Variants in MAP3K15 observed in about 807,000 individuals in gnomAD.
The protein encoded by MAP3K15 is MAPK/ERK kinase kinase 15.
In MAP3K15, 124 loss-of-function variants were observed where a neutral mutation model predicts 99.5. The ratio of observed to expected loss-of-function variants is 1.25; its 90% CI spans 1.08 to 1.45. MAP3K15 has a LOEUF of 1.45. Among genes scored for constraint, MAP3K15 ranks in the 40% most tolerant of loss-of-function variants. The probability of loss-of-function intolerance (pLI) is 0.00; values close to 1 mark genes in which losing one functional copy is unlikely to be tolerated. For synonymous variants in MAP3K15, 494 were observed against 439.6 expected (o/e 1.12, Z -1.55); for missense variants, 1,242 against 1,079.7 (o/e 1.15, Z -2.11).
chrX:19,417,175 T>A (rs1177992869), intron 9 of MAP3K15, among the ~76,000 whole-genome samples: 1 of 111,828 alleles, frequency 8.9e-6, no homozygotes, highest in Admixed American at 9.4e-5. Context: ...TACATCTCAC[T>A]GGGGAGTGTT....
intron 11 of MAP3K15, among the ~76,000 whole-genome samples, chrX:19,410,527 A>C (rs113420299): frequency 0.068 from 7,593 of 111,936 alleles, 652 homozygotes; most frequent in African/African-American, 0.23. Context: ...AAAACTCCAC[A>C]GCAACCCTCT....
intron 24 of MAP3K15, 134 bp downstream of exon 24, chrX:19,370,825 G>A: frequency 1.9e-6 from 1 of 531,441 alleles, no homozygotes; most frequent in Non-Finnish European, 3.2e-6. Context: ...AGAAGTCTAT[G>A]ACAACATGCA....
In MAP3K15 at chrX:19,426,403, G is replaced by C. The variant is rs2063830388; in HGVS notation, c.1167-60C>G. On this transcript the variant is annotated intron_variant, in intron 7 of 28. Transcript: ENST00000338883. ...TACAACAAAAAATGTTTAAATAATG[G>C]TATAAACCAACTTTCTCATGAAAAG... 4.3e-6 allele frequency: 3 copies of C among 691,857 alleles called. No homozygotes were observed. The South Asian group carries it at 1.2e-4, about 27-fold the overall frequency. The allele number at this position is 691,857 out of a possible 1,213,427, so 57.0% of individuals were successfully genotyped here. A position where few individuals can be genotyped will look rare whatever the true frequency, so the allele number is the denominator to read the frequency against.
intron 25 of MAP3K15, among the ~76,000 whole-genome samples, chrX:19,367,243 C>A (rs1344196688): frequency 1.8e-5 from 2 of 111,131 alleles, no homozygotes; most frequent in South Asian, 3.8e-4. Context: ...GAACAAAAAA[C>A]CAAATACCAC....
At chrX:19,446,777 G>C (rs1203662767) in intron 6 of MAP3K15, among the ~76,000 whole-genome samples, 2 of 111,435 alleles carry the variant, frequency 1.8e-5, no homozygotes, top group African/African-American at 6.5e-5. Context: ...GGGTGAACTT[G>C]TAATCTGGCA....
chrX:19,463,631 G>A lies in MAP3K15; in HGVS notation c.719+582C>T, dbSNP rs937883061. On this transcript the variant is annotated intron_variant, in intron 4 of 28. Coordinates refer to ENST00000338883, the MANE Select transcript of MAP3K15 (RefSeq NM_001001671.4). ...GAGCTGACTATTTCAGTGCTACACA[G>A]GTAGGAATCATCTAAGCCAAGATTC... Among the ~76,000 whole-genome samples the A allele has an allele frequency of 8.9e-5, 10 of 111,924 alleles. No individual in the cohort carries two copies. In the East Asian group the frequency reaches 2.5e-3, roughly 28 times the overall value.
chrX:19,370,498 C>T (rs971566263), intron 24 of MAP3K15, among the ~76,000 whole-genome samples: 1 of 111,378 alleles, frequency 9.0e-6, no homozygotes, highest in African/African-American at 3.3e-5. Flanking sequence ...CGGGTTCAAG[C>T]GATTTTCCTG....
At chrX:19,459,214 C>T (rs989847160) in intron 5 of MAP3K15, among the ~76,000 whole-genome samples, 2 of 111,822 alleles carry the variant, frequency 1.8e-5, no homozygotes, top group Non-Finnish European at 3.8e-5. Flanking sequence ...TGAATCCTGA[C>T]CTAACCAACT....
intron 9 of MAP3K15, among the ~76,000 whole-genome samples, chrX:19,421,293 C>T (rs779514409): frequency 1.3e-4 from 14 of 111,159 alleles, no homozygotes; most frequent in African/African-American, 3.6e-4. Flanking sequence ...CCCATCGTCT[C>T]GCCCAAAATC....
At position 19,371,505 on chromosome X, in the gene MAP3K15, A is replaced by G. The variant is rs762571463; in HGVS notation, c.3134T>C (p.Val1045Ala). Reference protein sequence around the residue: ...AQSSEELHLSVGHIKQIIGIL... With the variant: ...AQSSEELHLSAGHIKQIIGIL... ...CCCAATGATTTGCTTGATGTGTCCA[A>G]CTGAGAGATGCAACTCTTCGGAACT... The change falls in exon 23 of 29, where the codon GTT becomes GCT. Residue 1045 changes from valine to alanine, a missense_variant. Coordinates refer to ENST00000338883, the MANE Select transcript of MAP3K15 (RefSeq NM_001001671.4). The G allele has an allele frequency of 3.3e-4, 400 of 1,201,865 alleles. No individual in the cohort carries two copies. The Admixed American group carries it at 8.3e-3, about 25-fold the overall frequency.
In MAP3K15 at chrX:19,360,483, T is replaced by G; in HGVS notation, c.*266A>C. On this transcript the variant is annotated 3_prime_UTR_variant, in exon 29 of 29. Transcript: ENST00000338883. The stretch of plus-strand genomic sequence containing the variant: ...AATCCTCCCACCTCAGCCTCCTGCA[T>G]AGCTGGGACTACAAGTGAATTTCCT... The G allele has an allele frequency of 3.7e-6, 1 of 269,028 alleles. No individual in the cohort carries two copies. Among genetic ancestry groups the G allele is most frequent in the South Asian group, 4.5e-5 (1 of 21,997 alleles). The allele number at this position is 269,028 out of a possible 1,213,427, so 22.2% of individuals were successfully genotyped here. A position where few individuals can be genotyped will look rare whatever the true frequency, so the allele number is the denominator to read the frequency against.
intron 3 of MAP3K15, among the ~76,000 whole-genome samples, chrX:19,475,404 GT>G (rs981694919): frequency 9.0e-6 from 1 of 111,235 alleles, no homozygotes; most frequent in Non-Finnish European, 1.9e-5. Context: ...GTGCGGCCCG[GT>G]CGGGTGGCCC....
intron 6 of MAP3K15, among the ~76,000 whole-genome samples, chrX:19,439,853 G>A (rs2063947167): frequency 8.9e-6 from 1 of 111,918 alleles, no homozygotes; most frequent in African/African-American, 3.2e-5. Flanking sequence ...TCCTACTGGG[G>A]CAATCACTGG....
Position 19,426,292 on chromosome X carries a change from A to T in MAP3K15, c.1218T>A (p.Leu406=), listed in dbSNP as rs1602299620. Residue 406 remains leucine, a synonymous_variant, in exon 8 of 29, where the codon CTT becomes CTA. Transcript: ENST00000338883. The part of the protein sequence containing the change: ...LQSSLYSGIN[L]AVLLIVAGQQ... ...GTCCAGCAACAATCAGCAAAACTGC[A>T]AGATTAATTCCCGAATAGAGGGATG... 1.4e-5 allele frequency: 16 copies of T among 1,171,012 alleles called. No homozygotes were observed. Among genetic ancestry groups the T allele is most frequent in the Non-Finnish European group, 1.8e-5 (16 of 880,185 alleles).
In MAP3K15 at chrX:19,515,459, C is replaced by A. The variant is rs185963917; in HGVS notation, c.-198G>T. ...GCAGTACCCCTAGGCTGCAGCCTGA[C>A]GCTCAGGCCCCAAGGCCCCCAGCGC... is the stretch of plus-strand genomic sequence containing the variant. On this transcript the variant is annotated 5_prime_UTR_variant, in exon 1 of 29. Coordinates refer to ENST00000338883, the MANE Select transcript of MAP3K15 (RefSeq NM_001001671.4). Among the ~76,000 whole-genome samples, 3,816 of 111,858 alleles carry A rather than the reference C, an allele frequency of 0.034. 145 individuals are homozygous for A. Among genetic ancestry groups the A allele is most frequent in the African/African-American group, 0.11 (3,458 of 30,905 alleles).
At chrX:19,459,956 C>A (rs747121825) in intron 5 of MAP3K15, 29 bp downstream of exon 5, 1 of 1,097,875 alleles carries the variant, frequency 9.1e-7, no homozygotes, top group South Asian at 2.3e-5. Context: ...ACGTAGCATA[C>A]GTGAGCCTCG....
chrX:19,457,651 G>C (rs2064103559), intron 5 of MAP3K15, among the ~76,000 whole-genome samples: 1 of 112,247 alleles, frequency 8.9e-6, no homozygotes, highest in South Asian at 3.7e-4. Context: ...AGTATCAGCA[G>C]AGATGTGTGT....
In MAP3K15 at chrX:19,465,615, G is replaced by A. The variant is rs767056361; in HGVS notation, c.526-1209C>T. On this transcript the variant is annotated intron_variant, in intron 3 of 28. Coordinates refer to ENST00000338883, the MANE Select transcript of MAP3K15 (RefSeq NM_001001671.4). ...AAAAAAAAAAAAAAATTAACCGGGT[G>A]TGGTAGCACATGCCTGTAGTCCCAG... Among the ~76,000 whole-genome samples the A allele has an allele frequency of 1.8e-4, 19 of 108,076 alleles. 1 individual carries two copies. The East Asian group carries it at 5.6e-3, about 32-fold the overall frequency. 93.9% of individuals were successfully genotyped at this position (108,076 alleles called of 115,157 possible). A position where few individuals can be genotyped will look rare whatever the true frequency, so the allele number is the denominator to read the frequency against.
chrX:19,442,387 G>C (rs1220389130), intron 6 of MAP3K15, among the ~76,000 whole-genome samples: 1 of 111,675 alleles, frequency 9.0e-6, no homozygotes, highest in Non-Finnish European at 1.9e-5. Flanking sequence ...TATAAATAAA[G>C]AAAATACAAT....
Sources: allele counts gnomAD v4.1 joint callset (sites outside exome capture counted in the v4.1 genomes callset), GRCh38; gene constraint gnomAD v4.1.1; transcripts MANE v1.5; gene names NCBI Gene and HGNC (gene_info 2026-07-23, HGNC 2026-07-21).